The following PCED1B variants were observed in gnomAD, a reference collection of about 807,000 sequenced individuals.
PCED1B encodes PC-esterase domain containing 1B.
For synonymous variants in PCED1B, 251 were observed against 246.1 expected, an observed-to-expected ratio of 1.02 and a Z score of -0.19; for missense variants, 573 against 573.9, an observed-to-expected ratio of 1.00 and a Z score of 0.02.
intron 3 of PCED1B, among the ~76,000 whole-genome samples, chr12:47,230,943 G>C (rs1943787970): frequency 6.6e-6 from 1 of 152,152 alleles, no homozygotes; most frequent in Admixed American, 6.5e-5. Flanking sequence ...CCTCACATCA[G>C]ATATATGAAG....
chr12:47,170,042 C>T (rs1023502045), intron 2 of PCED1B, among the ~76,000 whole-genome samples: 2 of 151,862 alleles, frequency 1.3e-5, no homozygotes, highest in African/African-American at 2.4e-5. Context: ...AGGGCCCTGC[C>T]GCCTTCCACA....
At chr12:47,222,913 G>A (rs1191534791) in intron 3 of PCED1B, among the ~76,000 whole-genome samples, 1 of 152,146 alleles carries the variant, frequency 6.6e-6, no homozygotes, top group Admixed American at 6.5e-5. Flanking sequence ...GACTCTTAAG[G>A]GTTTGGGGTG....
chr12:47,080,951 C>G (rs986375559), intron 1 of PCED1B, among the ~76,000 whole-genome samples: 1 of 152,120 alleles, frequency 6.6e-6, no homozygotes, highest in African/African-American at 2.4e-5. Flanking sequence ...GCTCTTCATC[C>G]CTTCCGGAGA....
rs1251031150 is a variant in PCED1B at position 47,235,530 on chromosome 12, A to C, written c.467A>C (p.Glu156Ala). ...CAGTGCCTGGGCCAGGTGCTGCCCG[A>C]GTCTTGCCTCCTGGTGTGGAACACG... ...LFQCLGQVLP[E>A]SCLLVWNTAM... The change falls in exon 4 of 4, where the codon GAG (glutamate) becomes GCG (alanine). Residue 156 changes from glutamate (E) to alanine (A), a missense_variant. Coordinates refer to ENST00000546455, the MANE Select transcript of PCED1B (RefSeq NM_138371.3). The C allele has an allele frequency of 6.2e-7, 1 of 1,611,394 alleles. No homozygotes were observed. The highest frequency in any genetic ancestry group is 2.2e-5 in the East Asian group (1 of 44,810).
Position 47,081,253 on chromosome 12 carries a change from T to A in PCED1B, c.-609+1528T>A, listed in dbSNP as rs1000339042. Among the ~76,000 whole-genome samples, 6 of 152,128 alleles carry A rather than the reference T, an allele frequency of 3.9e-5. No homozygotes were observed. The East Asian group carries it at 1.2e-3, about 29-fold the overall frequency. Reference sequence around the variant, plus strand: ...AAACAGTTGGGGCAGGATAGATAACTTGTAATATTACTTAAAAATAAAAAT... The same window carrying A: ...AAACAGTTGGGGCAGGATAGATAACATGTAATATTACTTAAAAATAAAAAT... On this transcript the variant is annotated intron_variant, in intron 1 of 3. Coordinates refer to ENST00000546455, the MANE Select transcript of PCED1B (RefSeq NM_138371.3).
intron 1 of PCED1B, among the ~76,000 whole-genome samples, chr12:47,086,818 A>G (rs1341591526): frequency 1.3e-5 from 2 of 152,218 alleles, no homozygotes; most frequent in Non-Finnish European, 2.9e-5. Context: ...TATTTAACAA[A>G]CCCAGTTTAG....
At chr12:47,200,537 C>G (rs1257530957) in intron 2 of PCED1B, among the ~76,000 whole-genome samples, 1 of 152,170 alleles carries the variant, frequency 6.6e-6, no homozygotes, top group Non-Finnish European at 1.5e-5. Flanking sequence ...AGATTGGCAG[C>G]TTTTACAAAG....
chr12:47,182,590 CAA>C (rs36094308), intron 2 of PCED1B, among the ~76,000 whole-genome samples: 2 of 138,808 alleles, frequency 1.4e-5, no homozygotes, highest in African/African-American at 5.4e-5. Context: ...GACTCCATCT[CAA>C]AAAAAAAAAG....
intron 1 of PCED1B, among the ~76,000 whole-genome samples, chr12:47,080,249 G>A (rs567615070): frequency 6.6e-6 from 1 of 152,290 alleles, no homozygotes; most frequent in African/African-American, 2.4e-5. Flanking sequence ...CGGTAATGGG[G>A]TCCAGGAAGG....
intron 2 of PCED1B, among the ~76,000 whole-genome samples, chr12:47,192,431 A>G (rs891256121): frequency 2.6e-5 from 4 of 152,198 alleles, no homozygotes; most frequent in African/African-American, 9.6e-5. Flanking sequence ...CTCTATCCAA[A>G]TGGGTGCTCC....
chr12:47,084,047 C>T (rs74434773), intron 1 of PCED1B, among the ~76,000 whole-genome samples: 2,461 of 152,210 alleles, frequency 0.016, 61 homozygotes, highest in African/African-American at 0.056. Context: ...ATCTTAATTA[C>T]AGAATACAGA....
chr12:47,134,864 C>T (rs1940287688), intron 2 of PCED1B, among the ~76,000 whole-genome samples: 1 of 152,196 alleles, frequency 6.6e-6, no homozygotes, highest in Admixed American at 6.5e-5. Context: ...GAGACTCTAT[C>T]TCAAAAAGAT....
chr12:47,104,002 A>G (rs1187102869), intron 1 of PCED1B, 111 bp from the exon 2 acceptor site: 1 of 152,234 alleles, frequency 6.6e-6, no homozygotes. Context: ...TGATTATCAC[A>G]TCCATGCAGC....
chr12:47,105,018 G>A (rs532203731), intron 2 of PCED1B, among the ~76,000 whole-genome samples: 2 of 152,264 alleles, frequency 1.3e-5, no homozygotes, highest in South Asian at 2.1e-4. Context: ...CGCTCATGCC[G>A]ACTAAAAATG....
rs1943966318 is a variant in PCED1B, at chr12:47,235,885, A to G, written c.822A>G (p.Arg274=). ...EWIKKKKPGP[R]VEGPPQANRN... ...TCAAGAAGAAAAAACCTGGCCCGAG[A>G]GTCGAAGGGCCGCCCCAGGCCAACA... Residue 274 remains arginine, a synonymous_variant, in exon 4 of 4, where the codon AGA becomes AGG. Coordinates refer to ENST00000546455, the MANE Select transcript of PCED1B (RefSeq NM_138371.3). The G allele has an allele frequency of 6.3e-7, 1 of 1,592,348 alleles. No individual in the cohort carries two copies. The highest frequency in any genetic ancestry group is 1.3e-5 in the African/African-American group (1 of 74,274).
chr12:47,117,683 C>T (rs112346670), intron 2 of PCED1B, among the ~76,000 whole-genome samples: 6,753 of 152,138 alleles, frequency 0.044, 307 homozygotes, highest in African/African-American at 0.12. Context: ...TTTATAGCAG[C>T]ATGATTTATA....
intron 3 of PCED1B, among the ~76,000 whole-genome samples, chr12:47,229,767 AT>A (rs1241025407): frequency 2.6e-5 from 4 of 150,978 alleles, no homozygotes; most frequent in Non-Finnish European, 5.9e-5. Flanking sequence ...ACAAGTAATC[AT>A]TTCTTTTCTT....
intron 2 of PCED1B, among the ~76,000 whole-genome samples, chr12:47,162,177 G>A (rs546988521): frequency 2.0e-5 from 3 of 151,824 alleles, no homozygotes; most frequent in Non-Finnish European, 1.5e-5. Context: ...TGAATTAATG[G>A]GTGCAGCACA....
chr12:47,220,068 C>CAAAA (rs763940625), intron 3 of PCED1B, among the ~76,000 whole-genome samples: 29 of 103,704 alleles, frequency 2.8e-4, no homozygotes, highest in African/African-American at 6.8e-4. Context: ...GACACTGCCT[C>CAAAA]AAAAAAAAAA....
Sources: allele counts gnomAD v4.1 joint callset (sites outside exome capture counted in the v4.1 genomes callset), GRCh38; gene constraint gnomAD v4.1.1; transcripts MANE v1.5; gene names NCBI Gene and HGNC (gene_info 2026-07-23, HGNC 2026-07-21).